Variants in MCU observed in about 807,000 individuals in gnomAD.
The protein encoded by MCU is calcium uniporter protein, mitochondrial.
A neutral mutation model predicts 45.2 loss-of-function variants in MCU; 12 were observed. The observed-to-expected ratio is 0.27, with a 90% CI of 0.17 to 0.43. The LOEUF (loss-of-function observed/expected upper bound fraction) is 0.43. MCU is among the 20% of genes least tolerant of loss of function. MCU has a pLI of 1.00. For synonymous variants in MCU, 160 were observed against 165.1 expected (o/e 0.97, Z 0.24); for missense variants, 324 against 436.7 (o/e 0.74, Z 2.30).
At chr10:72,733,525 C>T (rs1044194910) in intron 1 of MCU, among the ~76,000 whole-genome samples, 22 of 152,040 alleles carry the variant, frequency 1.4e-4, no homozygotes, top group African/African-American at 4.8e-4. Context: ...GAATTCGAGT[C>T]CAGCTTGGGC....
chr10:72,715,165 T>G, intron 1 of MCU: 1 of 985,636 alleles, frequency 1.0e-6, no homozygotes. Context: ...TACCTCACTC[T>G]CCATGTACCA....
intron 1 of MCU, among the ~76,000 whole-genome samples, chr10:72,811,788 G>C (rs1361370623): frequency 6.6e-6 from 1 of 152,252 alleles, no homozygotes; most frequent in East Asian, 1.9e-4. Flanking sequence ...GAAGATAAAA[G>C]ATAATTTCTC....
intron 2 of MCU, among the ~76,000 whole-genome samples, chr10:72,850,398 A>C (rs1589495571): frequency 1.3e-5 from 2 of 151,594 alleles, no homozygotes; most frequent in South Asian, 4.2e-4. Flanking sequence ...TTGCGGAAAA[A>C]CCCCAACATG....
At chr10:72,696,489 A>T (rs879142814) in intron 1 of MCU, among the ~76,000 whole-genome samples, 3 of 152,084 alleles carry the variant, frequency 2.0e-5, no homozygotes, top group Admixed American at 2.0e-4. Context: ...TCCTAGTTTG[A>T]ATCTTGATTT....
intron 1 of MCU, among the ~76,000 whole-genome samples, chr10:72,699,210 A>G (rs1842725599): frequency 6.6e-6 from 1 of 152,166 alleles, no homozygotes; most frequent in Admixed American, 6.6e-5. Context: ...TGCACTTTAA[A>G]GAATCTTAAA....
intron 1 of MCU, among the ~76,000 whole-genome samples, chr10:72,800,526 G>T (rs1426024097): frequency 6.6e-6 from 1 of 152,116 alleles, no homozygotes; most frequent in Non-Finnish European, 1.5e-5. Flanking sequence ...AAGCCTGTTG[G>T]TCATGTATCA....
chr10:72,761,483 AC>A (rs773644461), intron 1 of MCU, among the ~76,000 whole-genome samples: 4 of 152,170 alleles, frequency 2.6e-5, no homozygotes, highest in Non-Finnish European at 5.9e-5. Flanking sequence ...TCACCTTGTC[AC>A]GTGATGGTAC....
At position 72,877,022 on chromosome 10, in the gene MCU, A is replaced by G. The variant is rs114644842; in HGVS notation, c.861+5442A>G. On this transcript the variant is annotated intron_variant, in intron 6 of 7. Transcript: ENST00000373053. ...CTGAAGCATCTACCTCTCAGACCCA[A>G]GCAATTCTCCCACCTCAGCCTCATG... is the stretch of plus-strand genomic sequence containing the variant. 1.1e-3 allele frequency among the ~76,000 whole-genome samples: 172 copies of G among 151,736 alleles called. 1 individual carries two copies. Among genetic ancestry groups the G allele is most frequent in the African/African-American group, 4.0e-3 (164 of 41,396 alleles).
intron 2 of MCU, among the ~76,000 whole-genome samples, chr10:72,854,450 T>C (rs1017327185): frequency 1.3e-5 from 2 of 152,202 alleles, no homozygotes; most frequent in Admixed American, 1.3e-4. Context: ...GTGCAGTTTA[T>C]AATATATGTA....
rs184393385 is a variant in MCU, at chr10:72,722,227, A to G, written c.150+29926A>G. On this transcript the variant is annotated intron_variant, in intron 1 of 7. Transcript: ENST00000373053. ...GCTACTTGGGAGGCTGAGGCAGGAG[A>G]ATCACTTGAACCCGGGAGGCAGAGA... Among the ~76,000 whole-genome samples, 221 of 150,940 alleles carry G rather than the reference A, an allele frequency of 1.5e-3. 4 individuals are homozygous for G. The highest frequency in any genetic ancestry group is 0.012 in the Admixed American group (183 of 15,084).
chr10:72,803,218 A>AT (rs776689654), intron 1 of MCU, among the ~76,000 whole-genome samples: 23 of 148,318 alleles, frequency 1.6e-4, no homozygotes, highest in South Asian at 2.1e-4. Context: ...TCCTGCTTGT[A>AT]TTTTTTTTTT....
chr10:72,713,267 G>C (rs1286949379), intron 1 of MCU, among the ~76,000 whole-genome samples: 1 of 152,102 alleles, frequency 6.6e-6, no homozygotes. Context: ...TCCAGTAATG[G>C]GAGAGTTTTT....
At chr10:72,824,581 GTTTAT>G (rs1329633187) in intron 1 of MCU, among the ~76,000 whole-genome samples, 1 of 152,122 alleles carries the variant, frequency 6.6e-6, no homozygotes, top group African/African-American at 2.4e-5. Context: ...TAGGTAGCAT[GTTTAT>G]TTTATTTGTA....
chr10:72,821,817 T>G (rs1443978000), intron 1 of MCU, among the ~76,000 whole-genome samples: 1 of 152,168 alleles, frequency 6.6e-6, no homozygotes, highest in East Asian at 1.9e-4. Flanking sequence ...TTTTTTCAAG[T>G]GCACATGGAA....
At chr10:72,709,362 T>C (rs1413374876) in intron 1 of MCU, among the ~76,000 whole-genome samples, 5 of 152,224 alleles carry the variant, frequency 3.3e-5, no homozygotes, top group Non-Finnish European at 7.3e-5. Context: ...AAAGAAGTAT[T>C]TAAAGATAGA....
intron 2 of MCU, among the ~76,000 whole-genome samples, chr10:72,845,440 CAAT>C (rs747076193): frequency 8.5e-5 from 13 of 152,086 alleles, no homozygotes; most frequent in South Asian, 2.1e-4. Flanking sequence ...TGAATAACAA[CAAT>C]GTTTCAGTCA....
intron 1 of MCU, among the ~76,000 whole-genome samples, chr10:72,702,747 C>T (rs1214796560): frequency 2.6e-5 from 4 of 152,010 alleles, no homozygotes; most frequent in Admixed American, 6.6e-5. Context: ...GAGGCTGAGG[C>T]GAGTGGATCA....
chr10:72,793,913 T>C (rs1049662275), intron 1 of MCU, among the ~76,000 whole-genome samples: 4 of 152,212 alleles, frequency 2.6e-5, no homozygotes, highest in South Asian at 2.1e-4. Flanking sequence ...TTGATCATAC[T>C]GTGAGCTGAG....
chr10:72,693,585 G>A (rs913450834), intron 1 of MCU, among the ~76,000 whole-genome samples: 1 of 152,186 alleles, frequency 6.6e-6, no homozygotes, highest in South Asian at 2.1e-4. Flanking sequence ...TCTATGAAAA[G>A]ACCTAATGCT....
Sources: gnomAD v4.1 joint callset for allele counts (sites outside exome capture counted in the v4.1 genomes callset) on GRCh38, gnomAD v4.1.1 for gene constraint, MANE v1.5 for transcripts, NCBI Gene and HGNC (gene_info 2026-07-23, HGNC 2026-07-21) for gene names.